DST: variants seen among roughly 807,000 people sequenced by gnomAD.
DST encodes the protein dystonin.
In DST, 253 loss-of-function variants were observed where a neutral mutation model predicts 875.2. That is an observed-to-expected ratio of 0.29 (90% confidence interval 0.26 to 0.32). The LOEUF (loss-of-function observed/expected upper bound fraction) is 0.32, where lower values mean the gene tolerates loss of function less well. Ranked by LOEUF, DST falls within the 10% of genes least tolerant of loss-of-function variation. DST has a pLI of 1.00. For missense variants in DST, 8,287 were observed against 9,111.6 expected, an observed-to-expected ratio of 0.91 and a Z score of 3.68; for synonymous variants, 3,124 against 3,197.1, an observed-to-expected ratio of 0.98 and a Z score of 0.77.
chr6:56,634,281 CAGATT>C, intron 26 of DST, 23 bp from the exon 27 acceptor site: 1 of 1,613,640 alleles, frequency 6.2e-7, no homozygotes, highest in Non-Finnish European at 8.5e-7. Flanking sequence ...AAAGAGAACT[CAGATT>C]AATGTTTTTA....
intron 82 of DST, among the ~76,000 whole-genome samples, chr6:56,496,469 A>G (rs1383463273): frequency 6.6e-6 from 1 of 151,346 alleles, no homozygotes; most frequent in Non-Finnish European, 1.5e-5. Flanking sequence ...AAAACAAACA[A>G]GGAAGTTTTT....
At chr6:56,841,348 C>G (rs2099799747) in intron 4 of DST, among the ~76,000 whole-genome samples, 1 of 152,128 alleles carries the variant, frequency 6.6e-6, no homozygotes, top group Non-Finnish European at 1.5e-5. Context: ...ATGAACTAAG[C>G]ATTTTAAAAA....
At chr6:56,784,287 G>A (rs1236003578) in intron 4 of DST, among the ~76,000 whole-genome samples, 1 of 152,122 alleles carries the variant, frequency 6.6e-6, no homozygotes, top group African/African-American at 2.4e-5. Flanking sequence ...GCTAGATTGG[G>A]GAAGTTCTCC....
intron 9 of DST, among the ~76,000 whole-genome samples, chr6:56,671,878 A>G (rs1290841583): frequency 1.3e-5 from 2 of 152,172 alleles, no homozygotes; most frequent in African/African-American, 4.8e-5. Context: ...AGGCTTCTAG[A>G]CCTGGTTCCT....
chr6:56,642,744 A>G (rs748015865), intron 15 of DST: 2 of 1,614,122 alleles, frequency 1.2e-6, no homozygotes, highest in South Asian at 2.2e-5. Context: ...TAGTGTTACT[A>G]AACACAGAAT....
chr6:56,552,444 A>G lies in DST; in HGVS notation c.16348T>C (p.Leu5450=). ...DNANKTCKMM[L]ATEETSPDLV... ...TCAGGAGAGGTTTCTTCTGTGGCTAACATCATCTTGCAGGTTTTATTGGCA... is the reference window on the plus strand; with the variant it reads ...TCAGGAGAGGTTTCTTCTGTGGCTAGCATCATCTTGCAGGTTTTATTGGCA... Residue 5450 remains leucine (L), a synonymous_variant, in exon 61 of 104, where the codon TTA becomes CTA. Coordinates refer to ENST00000680361, the MANE Select transcript of DST (RefSeq NM_001374736.1). 1 of 1,613,978 alleles carries G rather than the reference A, an allele frequency of 6.2e-7. No individual in the cohort carries two copies. Among genetic ancestry groups the G allele is most frequent in the Non-Finnish European group, 8.5e-7 (1 of 1,179,880 alleles).
At chr6:56,819,465 A>C (rs2099770440) in intron 4 of DST, among the ~76,000 whole-genome samples, 1 of 152,130 alleles carries the variant, frequency 6.6e-6, no homozygotes, top group African/African-American at 2.4e-5. Flanking sequence ...TACTTAGTGA[A>C]ATTATATACA....
At chr6:56,740,755 T>C (rs1263000904) in intron 4 of DST, among the ~76,000 whole-genome samples, 1 of 152,150 alleles carries the variant, frequency 6.6e-6, no homozygotes, top group African/African-American at 2.4e-5. Context: ...TGCCAAAGTC[T>C]AGCACTCATA....
chr6:56,759,092 A>C (rs2099611105), intron 4 of DST, among the ~76,000 whole-genome samples: 1 of 152,216 alleles, frequency 6.6e-6, no homozygotes, highest in Admixed American at 6.5e-5. Flanking sequence ...ATGATCATTT[A>C]AAGCCACTAT....
rs753950967 is a variant in DST, at chr6:56,635,720, G to T, written c.3061-6C>A. On this transcript the variant is annotated splice_region_variant and splice_polypyrimidine_tract_variant and intron_variant, in intron 23 of 103. Transcript: ENST00000680361. ...TCTTTGGCATCATTGAAAAACTAAG[G>T]AAAGATGAAACCTGGAAGTTAAAGT... The T allele has an allele frequency of 1.9e-6, 3 of 1,613,304 alleles. No homozygotes were observed. Among genetic ancestry groups the T allele is most frequent in the Middle Eastern group, 3.3e-4 (2 of 6,058 alleles).
At chr6:56,469,084 A>C in intron 97 of DST, 85 bp from the exon 98 acceptor site, 156 of 1,046,712 alleles carry the variant, frequency 1.5e-4, no homozygotes, top group Non-Finnish European at 2.0e-4. Context: ...ACACATACTC[A>C]CACTCTGTGC....
At position 56,767,638 on chromosome 6, in the gene DST, T is replaced by C. The variant is rs138463320; in HGVS notation, c.626-32349A>G. 1.3e-3 allele frequency among the ~76,000 whole-genome samples: 196 copies of C among 151,018 alleles called. 3 individuals are homozygous for C. The East Asian group carries it at 0.033, about 25-fold the overall frequency. ...TCAAATAAATAAATAAATAAATAAA[T>C]AAATAAATAAATAAATAAAACAAAT... is the stretch of plus-strand genomic sequence containing the variant. On this transcript the variant is annotated intron_variant, in intron 4 of 103. Transcript: ENST00000680361.
chr6:56,491,999 C>A (rs1220793652), intron 85 of DST, among the ~76,000 whole-genome samples: 2 of 152,200 alleles, frequency 1.3e-5, no homozygotes, highest in African/African-American at 4.8e-5. Context: ...AAGCTATAAT[C>A]AGTCTTCTTA....
At chr6:56,469,709 G>A (rs1296145717) in intron 97 of DST, among the ~76,000 whole-genome samples, 174 bp downstream of exon 97, 1 of 151,426 alleles carries the variant, frequency 6.6e-6, no homozygotes, top group East Asian at 1.9e-4. Flanking sequence ...CAAAATGCAG[G>A]CTGCCGTTAT....
intron 8 of DST, among the ~76,000 whole-genome samples, 160 bp from the exon 9 acceptor site, chr6:56,699,905 A>C (rs2099287293): frequency 6.6e-6 from 1 of 152,252 alleles, no homozygotes; most frequent in Non-Finnish European, 1.5e-5. Context: ...ATTCTCAATC[A>C]TTTTATATTA....
chr6:56,657,773 TA>T (rs1458564283), intron 10 of DST, among the ~76,000 whole-genome samples: 2 of 152,206 alleles, frequency 1.3e-5, no homozygotes, highest in African/African-American at 4.8e-5. Context: ...TTTTATTATT[TA>T]TTTTTTTTGA....
intron 61 of DST, chr6:56,541,474 G>T (rs556522957): frequency 6.5e-6 from 1 of 152,702 alleles, no homozygotes; most frequent in South Asian, 2.1e-4. Context: ...GCTGTGGGAC[G>T]TAACAGTCTT....
At chr6:56,773,225 T>C (rs137902005) in intron 4 of DST, among the ~76,000 whole-genome samples, 2 of 152,210 alleles carry the variant, frequency 1.3e-5, no homozygotes, top group African/African-American at 4.8e-5. Flanking sequence ...TTTAATCTAG[T>C]AGGTTTTGGG....
chr6:56,482,631 A>C, intron 89 of DST, 52 bp downstream of exon 89: 1 of 1,553,410 alleles, frequency 6.4e-7, no homozygotes, highest in Non-Finnish European at 8.8e-7. Flanking sequence ...GTTCTTGTTG[A>C]GGTTTCAATA....
Sources: allele counts gnomAD v4.1 joint callset (sites outside exome capture counted in the v4.1 genomes callset), GRCh38; gene constraint gnomAD v4.1.1; transcripts MANE v1.5; gene names NCBI Gene and HGNC (gene_info 2026-07-23, HGNC 2026-07-21).